The following MBP variants were observed in gnomAD, a reference collection of about 807,000 sequenced individuals.
MBP encodes the protein myelin basic protein, also known as Golli-MBP.
A neutral mutation model predicts 35.8 loss-of-function variants in MBP; 16 were observed. That is an observed-to-expected ratio of 0.45 (90% CI 0.30 to 0.68). The LOEUF (loss-of-function observed/expected upper bound fraction) is 0.68, where lower values mean the gene tolerates loss of function less well. Among genes scored for constraint, MBP ranks in the 30% least tolerant of loss-of-function variants. The pLI, the probability that MBP is intolerant of heterozygous loss-of-function variation, is 0.08. For synonymous variants in MBP, 143 were observed against 159.6 expected, an observed-to-expected ratio of 0.90 and a Z score of 0.78; for missense variants, 380 against 404.7, an observed-to-expected ratio of 0.94 and a Z score of 0.52.
rs1171680140 is a variant in MBP at position 76,988,125 on chromosome 18, G to A, written c.750+370C>T. On this transcript the variant is annotated intron_variant, in intron 7 of 8. Transcript: ENST00000355994. The surrounding 1 kb of genome is among the most constrained non-coding windows in gnomAD (Gnocchi z 5.2). ...GGGCCAGCCAGTCCCACTTCCACAT[G>A]CGGGTTCCTGGGGCTTCTCGCACTG... The A allele has an allele frequency of 1.3e-6, 2 of 1,522,520 alleles. No individual in the cohort carries two copies. Among genetic ancestry groups the A allele is most frequent in the African/African-American group, 1.4e-5 (1 of 72,770 alleles). 94.3% of individuals were successfully genotyped at this position (1,522,520 alleles called of 1,614,324 possible). A position where few individuals can be genotyped will look rare whatever the true frequency, so the allele number is the denominator to read the frequency against.
intron 2 of MBP, among the ~76,000 whole-genome samples, chr18:77,068,457 C>A (rs1369563497): frequency 6.6e-6 from 1 of 152,220 alleles, no homozygotes; most frequent in African/African-American, 2.4e-5. Context: ...AACCACCACA[C>A]ATCCGCCTGC....
chr18:76,979,287 G>A lies in MBP; in HGVS notation c.*1140C>T, dbSNP rs887067948. 2.6e-5 allele frequency: 4 copies of A among 152,136 alleles called. No individual in the cohort carries two copies. Among genetic ancestry groups the A allele is most frequent in the African/African-American group, 9.7e-5 (4 of 41,368 alleles). 9.4% of individuals were successfully genotyped at this position (152,136 alleles called of 1,614,324 possible). A position where few individuals can be genotyped will look rare whatever the true frequency, so the allele number is the denominator to read the frequency against. On this transcript the variant is annotated 3_prime_UTR_variant, in exon 9 of 9. Coordinates refer to ENST00000355994, the MANE Select transcript of MBP (RefSeq NM_001025101.2). The stretch of plus-strand genomic sequence containing the variant: ...GGTGTTAAGAAGGATATGGTCAGAA[G>A]AGCTCTTTGTCTCCATCCACGGGGC...
chr18:77,072,674 C>G (rs533843204), intron 2 of MBP, among the ~76,000 whole-genome samples: 21 of 152,174 alleles, frequency 1.4e-4, no homozygotes, highest in Non-Finnish European at 2.5e-4. Context: ...TATTTTTTCT[C>G]AGAACCATCA....
intron 2 of MBP, among the ~76,000 whole-genome samples, chr18:77,081,841 CAT>C (rs1261453243): frequency 3.7e-4 from 15 of 41,036 alleles, no homozygotes; most frequent in Non-Finnish European, 5.8e-4. Context: ...CACACACACA[CAT>C]ATATATATAT....
intron 2 of MBP, chr18:77,097,393 T>A (rs1053428463): frequency 6.6e-6 from 1 of 152,306 alleles, no homozygotes; most frequent in Admixed American, 6.5e-5. Flanking sequence ...ATCAGTCACC[T>A]GGGAGGATTC....
At chr18:77,007,097 G>A (rs562550572) in intron 4 of MBP, among the ~76,000 whole-genome samples, 6 of 152,342 alleles carry the variant, frequency 3.9e-5, no homozygotes, top group East Asian at 3.9e-4. Flanking sequence ...TTCTGTCTCC[G>A]TTGGGAGCTG....
At chr18:77,007,825 T>C (rs922866247) in intron 4 of MBP, among the ~76,000 whole-genome samples, 2 of 152,198 alleles carry the variant, frequency 1.3e-5, no homozygotes, top group African/African-American at 2.4e-5. Flanking sequence ...AAGCGTTGTG[T>C]AGAGGATTTA....
In MBP at chr18:77,016,844, C is replaced by G. The variant is rs138484926; in HGVS notation, c.564G>C (p.Arg188=). ...FFGGDRGAPK[R]GSGKDSHHPA... ...CCTCAGAGCTCACCTTGCCAGAGCCCCGCTTGGGCGCACCCCTGTCACCGC... is the reference window on the plus strand; with the variant it reads ...CCTCAGAGCTCACCTTGCCAGAGCCGCGCTTGGGCGCACCCCTGTCACCGC... Residue 188 remains arginine (R), a synonymous_variant, in exon 4 of 9, where the codon CGG becomes CGC. Transcript: ENST00000355994. 26,431 of 1,614,112 alleles carry G rather than the reference C, an allele frequency of 0.016. 263 individuals are homozygous for G. The highest frequency in any genetic ancestry group is 0.019 in the Non-Finnish European group (22,784 of 1,180,032).
chr18:77,098,073 T>A (rs1975837134), intron 2 of MBP, among the ~76,000 whole-genome samples: 1 of 151,878 alleles, frequency 6.6e-6, no homozygotes, highest in South Asian at 2.1e-4. Flanking sequence ...TGTCCTGAGC[T>A]CTTCATACCC....
chr18:76,989,216 G>A lies in MBP; in HGVS notation c.682-304C>T, dbSNP rs1969752447. On this transcript the variant is annotated intron_variant, in intron 5 of 8. Coordinates refer to ENST00000355994, the MANE Select transcript of MBP (RefSeq NM_001025101.2). The surrounding 1 kb of genome is among the most constrained non-coding windows in gnomAD (Gnocchi z 4.0). ...GACACTGAGGGAGGCGGCGGACTTT[G>A]CTTCACCGTGAGCCCTTTCCGGGGC... The A allele has an allele frequency of 1.7e-6, 1 of 580,442 alleles. No individual in the cohort carries two copies. Among genetic ancestry groups the A allele is most frequent in the African/African-American group, 1.8e-5 (1 of 54,104 alleles). 36.0% of individuals were successfully genotyped at this position (580,442 alleles called of 1,614,324 possible). A position where few individuals can be genotyped will look rare whatever the true frequency, so the allele number is the denominator to read the frequency against.
intron 4 of MBP, among the ~76,000 whole-genome samples, chr18:76,999,690 C>A (rs1224932576): frequency 6.6e-6 from 1 of 152,122 alleles, no homozygotes. Flanking sequence ...CTCAAGCAAT[C>A]CACCCACCTT....
At chr18:77,081,914 T>C (rs866085939) in intron 2 of MBP, among the ~76,000 whole-genome samples, 32 of 150,756 alleles carry the variant, frequency 2.1e-4, no homozygotes, top group East Asian at 5.9e-4. Context: ...TGCAGTGGCA[T>C]GATCTTGGCT....
At chr18:77,132,211 G>A (rs150149681) in intron 1 of MBP, among the ~76,000 whole-genome samples, 2 of 152,160 alleles carry the variant, frequency 1.3e-5, no homozygotes, top group South Asian at 2.1e-4. Context: ...TGGGACCGCC[G>A]GGCCTGGCTG....
chr18:77,132,567 G>A lies in MBP; in HGVS notation c.-26+13C>T, dbSNP rs368342026. On this transcript the variant is annotated intron_variant, in intron 1 of 8. Coordinates refer to ENST00000355994, the MANE Select transcript of MBP (RefSeq NM_001025101.2). ...GCGGCAGAGCAGCCCGCCCGTCCCC[G>A]AGGGTCACCCACCGGCGCTGCGCTC... The A allele has an allele frequency of 1.3e-5, 2 of 152,290 alleles. No homozygotes were observed. The highest frequency in any genetic ancestry group is 2.1e-4 in the South Asian group (1 of 4,826). 9.4% of individuals were successfully genotyped at this position (152,290 alleles called of 1,614,324 possible).
chr18:77,052,704 C>T (rs117900837), intron 3 of MBP, among the ~76,000 whole-genome samples: 140 of 152,330 alleles, frequency 9.2e-4, no homozygotes, highest in Admixed American at 1.4e-3. Context: ...CCCATCCACA[C>T]GCTCACCTGG....
At chr18:77,019,966 C>A (rs62105714) in intron 3 of MBP, among the ~76,000 whole-genome samples, 2 of 152,088 alleles carry the variant, frequency 1.3e-5, no homozygotes, top group Admixed American at 1.3e-4. Flanking sequence ...AGGGAACTGA[C>A]CATCTGTGAG....
intron 8 of MBP, 114 bp downstream of exon 8, chr18:76,984,661 C>G: frequency 6.9e-7 from 1 of 1,445,794 alleles, no homozygotes; most frequent in Non-Finnish European, 9.6e-7. Context: ...CAGAGCACGT[C>G]CAGGGTACAG....
intron 4 of MBP, among the ~76,000 whole-genome samples, chr18:76,990,653 G>A (rs991745949): frequency 6.6e-6 from 1 of 152,188 alleles, no homozygotes; most frequent in African/African-American, 2.4e-5. Flanking sequence ...CCTGTCTAAA[G>A]TTCAGTCAAG....
intron 1 of MBP, among the ~76,000 whole-genome samples, chr18:77,126,550 A>C (rs578119520): frequency 2.6e-5 from 4 of 152,212 alleles, no homozygotes; most frequent in Non-Finnish European, 5.9e-5. Flanking sequence ...GTAAGATAAG[A>C]AAAAGAAATA....
Sources: allele counts gnomAD v4.1 joint callset (sites outside exome capture counted in the v4.1 genomes callset), GRCh38; gene constraint gnomAD v4.1.1; non-coding constraint Gnocchi (gnomAD v3.1); transcripts MANE v1.5; gene names NCBI Gene and HGNC (gene_info 2026-07-23, HGNC 2026-07-21).